TMC6: variants seen among roughly 807,000 people sequenced by gnomAD.
The protein encoded by TMC6 is transmembrane channel like 6, also known as transmembrane channel-like protein 6.
A neutral mutation model predicts 95.4 loss-of-function variants in TMC6; 71 were observed. That is an observed-to-expected ratio of 0.74 (90% CI 0.61 to 0.91). The LOEUF is 0.91. TMC6 is among the 40% of genes least tolerant of loss of function. TMC6 has a pLI of 0.00. For missense variants in TMC6, 1,074 were observed against 1,079.1 expected (o/e 1.00, Z 0.07); for synonymous variants, 514 against 483.1 (o/e 1.06, Z -0.84).
rs2074295127 is a variant in TMC6 at position 78,119,388 on chromosome 17, T to C, written c.1720A>G (p.Ile574Val). ...TLFGELVWRI[I>V]SEKKLKRRRK... ...CTCCTCTTCAGCTTCTTCTCGGAGA[T>C]AATCCTGCCTCCGAGGACCCCGGAT... The change falls in exon 14 of 20, where the codon ATC becomes GTC. Residue 574 changes from isoleucine (I) to valine (V), a missense_variant. Ile to Val is a conservative substitution (Grantham distance 29, BLOSUM62 3). Coordinates refer to ENST00000590602, the MANE Select transcript of TMC6 (RefSeq NM_001127198.5). The C allele has an allele frequency of 1.9e-6, 3 of 1,612,702 alleles. No homozygotes were observed. The highest frequency in any genetic ancestry group is 2.5e-6 in the Non-Finnish European group (3 of 1,179,906).
Position 78,126,375 on chromosome 17 carries a change from CAAGA to C in TMC6, c.182-13_182-10del. On this transcript the variant is annotated splice_polypyrimidine_tract_variant and intron_variant, in intron 3 of 19. Coordinates refer to ENST00000590602, the MANE Select transcript of TMC6 (RefSeq NM_001127198.5). ...TGTCTGCTGGCTACTTCCTACAAAGCAAGAAAGACTCACCAGGGGTCCTGGAGAT... is the reference window on the plus strand; with the variant it reads ...TGTCTGCTGGCTACTTCCTACAAAGCAAGACTCACCAGGGGTCCTGGAGAT... 1 of 1,595,320 alleles carries C rather than the reference CAAGA, an allele frequency of 6.3e-7. No homozygotes were observed. The highest frequency in any genetic ancestry group is 8.5e-7 in the Non-Finnish European group (1 of 1,176,182).
chr17:78,124,611 G>C lies in TMC6; in HGVS notation c.804C>G (p.Ala268=), dbSNP rs1189718999. 1 of 1,612,492 alleles carries C rather than the reference G, an allele frequency of 6.2e-7. No homozygotes were observed. The highest frequency in any genetic ancestry group is 1.7e-5 in the Admixed American group (1 of 59,970). Residue 268 remains alanine (A), a synonymous_variant, in exon 8 of 20, where the codon GCC becomes GCG. Transcript: ENST00000590602. ...FNALLLLLLV[A]FIMGPQVAFP... ...AGGCGACCTGAGGGCCCATGATGAA[G>C]GCCACCAGCAGCAGCAGCAGGAGGG...
At chr17:78,129,245 C>T (rs1182641087), upstream of TMC6, among the ~76,000 whole-genome samples, 2 of 152,108 alleles carry the variant, frequency 1.3e-5, no homozygotes, top group South Asian at 2.1e-4. The surrounding 1 kb of genome is among the most constrained non-coding windows in gnomAD (Gnocchi z 4.3). Context: ...TTCTGGCTCA[C>T]TTCCTGTGTG....
intron 18 of TMC6, among the ~76,000 whole-genome samples, chr17:78,117,022 C>T (rs2074153286): frequency 6.6e-6 from 1 of 152,210 alleles, no homozygotes; most frequent in South Asian, 2.1e-4. Flanking sequence ...GAAATCACAC[C>T]CCACCCCCCA....
Position 78,107,404 on chromosome 17 carries a change from C to A in TMC6, c.*5744G>T, listed in dbSNP as rs533098371. 1.3e-5 allele frequency: 2 copies of A among 152,102 alleles called. No individual in the cohort carries two copies. The highest frequency in any genetic ancestry group is 4.8e-5 in the African/African-American group (2 of 41,404). The allele number at this position is 152,102 out of a possible 1,614,324, so 9.4% of individuals were successfully genotyped here. ...AAGAACATGCATCGAAAGTTGCTTT[C>A]GAAAGTACAACGCTTTATTGAATCT... is the stretch of plus-strand genomic sequence containing the variant. On this transcript the variant is annotated 3_prime_UTR_variant, in exon 20 of 20. Transcript: ENST00000590602.
intron 9 of TMC6, among the ~76,000 whole-genome samples, chr17:78,123,396 C>T (rs994041151): frequency 1.4e-5 from 2 of 144,286 alleles, no homozygotes; most frequent in Non-Finnish European, 3.1e-5. Context: ...GATGGATGAA[C>T]GGATGGGTGG....
In TMC6 at chr17:78,121,669, C is replaced by T. The variant is rs747391950; in HGVS notation, c.1270G>A (p.Val424Met). ...EWQLRHSPRSVCGRLRQAAVL... is the reference protein window; with the variant it reads ...EWQLRHSPRSMCGRLRQAAVL... ...GCCGCCTGCCGCAGCCTCCCGCACA[C>T]GCTCCTGGGGCTGTGCCGCAGCTGC... The change falls in exon 11 of 20, where the codon GTG becomes ATG. Residue 424 changes from valine (V) to methionine (M), a missense_variant. Coordinates refer to ENST00000590602, the MANE Select transcript of TMC6 (RefSeq NM_001127198.5). This position sits in a 1 kb window ranked among gnomAD's most constrained non-coding sequence, Gnocchi z 5.6. The T allele has an allele frequency of 2.4e-5, 38 of 1,599,474 alleles. No individual in the cohort carries two copies. Among genetic ancestry groups the T allele is most frequent in the East Asian group, 4.5e-5 (2 of 44,298 alleles).
chr17:78,125,413 G>A, intron 5 of TMC6, 150 bp from the exon 6 acceptor site: 1 of 820,300 alleles, frequency 1.2e-6, no homozygotes, highest in Non-Finnish European at 2.0e-6. Flanking sequence ...AATCAGCCGT[G>A]TGTTTGCTTC....
In TMC6 at chr17:78,117,921, G is replaced by A. The variant is rs767592829; in HGVS notation, c.1902C>T (p.Ala634=). The A allele has an allele frequency of 2.2e-5, 36 of 1,602,008 alleles. No individual in the cohort carries two copies. The highest frequency in any genetic ancestry group is 3.5e-5 in the Admixed American group (2 of 57,950). The change falls in exon 16 of 20, where the codon GCC becomes GCT. Residue 634 remains alanine, a synonymous_variant. Coordinates refer to ENST00000590602, the MANE Select transcript of TMC6 (RefSeq NM_001127198.5). ...AGGGCCGGCGCGGCGCCTGGCAGTTGGCCAGAAGGCTGGTCTGTGGGGAAA... is the reference window on the plus strand; with the variant it reads ...AGGGCCGGCGCGGCGCCTGGCAGTTAGCCAGAAGGCTGGTCTGTGGGGAAA... ...VFYVKKTSLL[A]NCQAPRRPWL... is the part of the protein sequence containing the mutation.
chr17:78,120,981 A>G, intron 12 of TMC6, 32 bp downstream of exon 12: 1 of 1,613,186 alleles, frequency 6.2e-7, no homozygotes, highest in Non-Finnish European at 8.5e-7. Flanking sequence ...CAGCTCCAGC[A>G]CCAAATGATG....
At chr17:78,113,496 C>T (rs2073898433) in intron 19 of TMC6, 52 bp downstream of exon 19, 4 of 1,598,624 alleles carry the variant, frequency 2.5e-6, no homozygotes, top group Admixed American at 1.7e-5. Context: ...CCAGCCCTGG[C>T]CCCTCTCCCC....
rs1374838664 is a variant in TMC6 at position 78,111,019 on chromosome 17, C to T, written c.*2129G>A. 1.3e-5 allele frequency: 2 copies of T among 152,162 alleles called. No homozygotes were observed. The highest frequency in any genetic ancestry group is 3.8e-4 in the East Asian group (2 of 5,198). 9.4% of individuals were successfully genotyped at this position (152,162 alleles called of 1,614,324 possible). On this transcript the variant is annotated 3_prime_UTR_variant, in exon 20 of 20. Transcript: ENST00000590602. ...TGGACATCCAGTGGGAGTGGGAAGC[C>T]GCCGTCTCAAGGCAGAATTCCCTCT...
chr17:78,118,089 CAG>C, intron 15 of TMC6, 154 bp from the exon 16 acceptor site: 1 of 1,351,252 alleles, frequency 7.4e-7, no homozygotes, highest in Non-Finnish European at 9.9e-7. Flanking sequence ...CAGAGGAAGA[CAG>C]AAGCCTGCCG....
rs1445964488 is a variant in TMC6, at chr17:78,122,358, C to T, written c.1227+247G>A. Among the ~76,000 whole-genome samples the T allele has an allele frequency of 6.6e-6, 1 of 152,050 alleles. No homozygotes were observed. Among genetic ancestry groups the T allele is most frequent in the Non-Finnish European group, 1.5e-5 (1 of 67,996 alleles). On this transcript the variant is annotated intron_variant, in intron 10 of 19. Transcript: ENST00000590602. This position sits in a 1 kb window ranked among gnomAD's most constrained non-coding sequence, Gnocchi z 4.9. ...GCTGGCTCCCGGGTGCCCACGGGGC[C>T]ATGGCGCTACTACGCGCTAGCAGAC...
Position 78,122,862 on chromosome 17 carries a change from C to A in TMC6, c.1083-113G>T. ...CAGACCCCACCACCCACTCAGGAGCCATCTGGGCCCTGACTGGGCCTCCTG... is the reference window on the plus strand; with the variant it reads ...CAGACCCCACCACCCACTCAGGAGCAATCTGGGCCCTGACTGGGCCTCCTG... On this transcript the variant is annotated intron_variant, in intron 9 of 19. Coordinates refer to ENST00000590602, the MANE Select transcript of TMC6 (RefSeq NM_001127198.5). This position sits in a 1 kb window ranked among gnomAD's most constrained non-coding sequence, Gnocchi z 4.9. 1 of 1,483,156 alleles carries A rather than the reference C, an allele frequency of 6.7e-7. No homozygotes were observed. Among genetic ancestry groups the A allele is most frequent in the Non-Finnish European group, 9.1e-7 (1 of 1,099,754 alleles). The allele number at this position is 1,483,156 out of a possible 1,614,324, so 91.9% of individuals were successfully genotyped here.
chr17:78,121,545 C>A lies in TMC6; in HGVS notation c.1383+11G>T, dbSNP rs562533482. On this transcript the variant is annotated intron_variant, in intron 11 of 19. Transcript: ENST00000590602. The surrounding 1 kb of genome is among the most constrained non-coding windows in gnomAD (Gnocchi z 5.6). The stretch of plus-strand genomic sequence containing the variant: ...TTCCAAGCAAGGGCCAGGCTCCCCC[C>A]ATCCCCGCACCTGGATCATGAACTC... 65 of 1,610,996 alleles carry A rather than the reference C, an allele frequency of 4.0e-5. No homozygotes were observed. The highest frequency in any genetic ancestry group is 2.5e-4 in the African/African-American group (19 of 74,916).
In TMC6 at chr17:78,126,764, C is replaced by G; in HGVS notation, c.56+13G>C. ...ACATTCCAGCCTCCAGCCCCCAGCC[C>G]CAGAGCGCTTACCCCTGGTCCCCTG... On this transcript the variant is annotated intron_variant, in intron 2 of 19. Coordinates refer to ENST00000590602, the MANE Select transcript of TMC6 (RefSeq NM_001127198.5). 1.2e-6 allele frequency: 2 copies of G among 1,613,168 alleles called. No homozygotes were observed. The highest frequency in any genetic ancestry group is 1.7e-5 in the Admixed American group (1 of 59,982).
At position 78,124,881 on chromosome 17, in the gene TMC6, G is replaced by T. The variant is rs369450669; in HGVS notation, c.633+8C>A. 1 of 1,594,532 alleles carries T rather than the reference G, an allele frequency of 6.3e-7. No individual in the cohort carries two copies. Among genetic ancestry groups the T allele is most frequent in the Admixed American group, 1.7e-5 (1 of 57,460 alleles). On this transcript the variant is annotated splice_region_variant and intron_variant, in intron 7 of 19. Transcript: ENST00000590602. ...GCCCCAGCCCCAGGGCAGACCAGGG[G>T]CCCATACCAGCACGCAGGCATATCT...
chr17:78,120,975 T>C (rs2074385960), intron 12 of TMC6, 38 bp downstream of exon 12: 1 of 1,613,068 alleles, frequency 6.2e-7, no homozygotes, highest in Non-Finnish European at 8.5e-7. Context: ...CAGTATCAGC[T>C]CCAGCACCAA....
Sources: allele counts gnomAD v4.1 joint callset (sites outside exome capture counted in the v4.1 genomes callset), GRCh38; gene constraint gnomAD v4.1.1; non-coding constraint Gnocchi (gnomAD v3.1); transcripts MANE v1.5; gene names NCBI Gene and HGNC (gene_info 2026-07-23, HGNC 2026-07-21).